PKNOX2: variants seen among roughly 807,000 people sequenced by gnomAD.
PKNOX2 encodes the protein PBX/knotted 1 homeobox 2.
A neutral mutation model predicts 53.1 loss-of-function variants in PKNOX2; 14 were observed. The ratio of observed to expected loss-of-function variants is 0.26; its 90% confidence interval spans 0.17 to 0.41. PKNOX2 has a LOEUF of 0.41. Ranked by LOEUF, PKNOX2 falls within the 10% of genes least tolerant of loss-of-function variation. The probability of loss-of-function intolerance (pLI) is 1.00; values close to 1 mark genes in which losing one functional copy is unlikely to be tolerated. For synonymous variants in PKNOX2, 257 were observed against 242.8 expected (o/e 1.06, Z -0.54); for missense variants, 496 against 602.8 (o/e 0.82, Z 1.85).
intron 2 of PKNOX2, among the ~76,000 whole-genome samples, chr11:125,292,027 AC>A (rs1947338348): frequency 6.6e-6 from 1 of 152,214 alleles, no homozygotes; most frequent in Non-Finnish European, 1.5e-5. Flanking sequence ...TAACTATGGC[AC>A]TGAATTGTAC....
chr11:125,278,778 G>T (rs1297619961), intron 2 of PKNOX2, among the ~76,000 whole-genome samples: 2 of 152,218 alleles, frequency 1.3e-5, no homozygotes, highest in Non-Finnish European at 2.9e-5. Context: ...AAGGCATTTA[G>T]ATATCCCTCG....
intron 2 of PKNOX2, among the ~76,000 whole-genome samples, chr11:125,259,791 G>A (rs1210711714): frequency 6.6e-6 from 1 of 151,964 alleles, no homozygotes; most frequent in Admixed American, 6.6e-5. Context: ...CTGACCTACT[G>A]CACCTCACCA....
At chr11:125,428,673 C>T (rs1217481537) in intron 10 of PKNOX2, among the ~76,000 whole-genome samples, 1 of 152,190 alleles carries the variant, frequency 6.6e-6, no homozygotes, top group Admixed American at 6.5e-5. Flanking sequence ...GCCTGCCCTG[C>T]CTGCTGGGGG....
At chr11:125,190,656 C>T (rs1235724922) in intron 1 of PKNOX2, among the ~76,000 whole-genome samples, 1 of 152,066 alleles carries the variant, frequency 6.6e-6, no homozygotes, top group East Asian at 1.9e-4. Flanking sequence ...CCGACCCTGC[C>T]CTGTGATGGC....
chr11:125,280,213 C>T (rs113875519), intron 2 of PKNOX2, among the ~76,000 whole-genome samples: 2,102 of 150,846 alleles, frequency 0.014, 50 homozygotes, highest in African/African-American at 0.046. Context: ...TGTGGTGAAG[C>T]GAGATAATTG....
intron 2 of PKNOX2, among the ~76,000 whole-genome samples, chr11:125,301,748 G>A (rs1304518727): frequency 6.6e-6 from 1 of 151,992 alleles, no homozygotes; most frequent in African/African-American, 2.4e-5. Flanking sequence ...CAAGGCAGGT[G>A]GTGCCAGGCC....
rs183501891 is a variant in PKNOX2, at chr11:125,167,459, G to A, written c.-201+2683G>A. The stretch of plus-strand genomic sequence containing the variant: ...TCTCTCCCGCTGAGAGCCCGAGGGG[G>A]GAGGGAGCCGTGACCCCACGGAGAC... On this transcript the variant is annotated intron_variant, in intron 1 of 12. Coordinates refer to ENST00000298282, the MANE Select transcript of PKNOX2 (RefSeq NM_001382323.2). Among the ~76,000 whole-genome samples the A allele has an allele frequency of 2.6e-3, 399 of 152,302 alleles. 4 individuals carry two copies. Among genetic ancestry groups the A allele is most frequent in the African/African-American group, 9.5e-3 (393 of 41,564 alleles).
chr11:125,266,453 C>A (rs1432109917), intron 2 of PKNOX2, among the ~76,000 whole-genome samples: 2 of 152,184 alleles, frequency 1.3e-5, no homozygotes, highest in Non-Finnish European at 2.9e-5. Flanking sequence ...GCCTGCGAGA[C>A]AGAGGCTGGA....
intron 2 of PKNOX2, among the ~76,000 whole-genome samples, chr11:125,276,857 C>G (rs1946196206): frequency 6.6e-6 from 1 of 152,110 alleles, no homozygotes; most frequent in African/African-American, 2.4e-5. Context: ...TTCAGCTGCT[C>G]TGATACAGAC....
chr11:125,354,690 AT>A (rs1383278907), intron 4 of PKNOX2, among the ~76,000 whole-genome samples: 4 of 152,058 alleles, frequency 2.6e-5, no homozygotes, highest in African/African-American at 4.8e-5. Flanking sequence ...ATAAATTAGA[AT>A]TTTTTTTCAA....
chr11:125,273,498 G>A (rs1945954297), intron 2 of PKNOX2, among the ~76,000 whole-genome samples: 1 of 152,178 alleles, frequency 6.6e-6, no homozygotes, highest in African/African-American at 2.4e-5. Context: ...GGAAAGCAGT[G>A]CCAAGAAAAA....
intron 2 of PKNOX2, among the ~76,000 whole-genome samples, chr11:125,267,791 T>C (rs559049101): frequency 1.3e-5 from 2 of 152,274 alleles, no homozygotes; most frequent in African/African-American, 4.8e-5. Context: ...TCTCTGCTGA[T>C]TTATAGGCAC....
At chr11:125,258,778 T>C in intron 2 of PKNOX2, 1 of 262,760 alleles carries the variant, frequency 3.8e-6, no homozygotes, top group Non-Finnish European at 8.1e-6. Context: ...TGCCAGAGGG[T>C]GGATGACTGG....
chr11:125,289,992 G>T (rs1446825183), intron 2 of PKNOX2, among the ~76,000 whole-genome samples: 1 of 152,160 alleles, frequency 6.6e-6, no homozygotes, highest in Non-Finnish European at 1.5e-5. Context: ...AAATAAAATG[G>T]ATAGGATGTT....
At chr11:125,404,877 C>T (rs1954980234) in intron 7 of PKNOX2, among the ~76,000 whole-genome samples, 1 of 152,156 alleles carries the variant, frequency 6.6e-6, no homozygotes, top group South Asian at 2.1e-4. Flanking sequence ...TTGAAGAGTC[C>T]AGAGGACGGG....
At chr11:125,314,674 CAG>C (rs1363574148) in intron 2 of PKNOX2, among the ~76,000 whole-genome samples, 1 of 152,102 alleles carries the variant, frequency 6.6e-6, no homozygotes, top group Non-Finnish European at 1.5e-5. Context: ...GGCTGTGCTG[CAG>C]AGAGTAGGGG....
intron 2 of PKNOX2, among the ~76,000 whole-genome samples, chr11:125,271,004 G>A (rs569918504): frequency 6.6e-6 from 1 of 152,256 alleles, no homozygotes; most frequent in Non-Finnish European, 1.5e-5. Context: ...AGCTGCCTTG[G>A]GGGGTGACAC....
intron 10 of PKNOX2, among the ~76,000 whole-genome samples, chr11:125,417,547 T>G (rs2135594120): frequency 6.6e-6 from 1 of 152,096 alleles, no homozygotes; most frequent in Non-Finnish European, 1.5e-5. Context: ...GGCAACACAT[T>G]TCTCAAGGTC....
chr11:125,231,765 G>A (rs75911430), intron 1 of PKNOX2, among the ~76,000 whole-genome samples: 2,178 of 152,214 alleles, frequency 0.014, 49 homozygotes, highest in African/African-American at 0.049. Context: ...ATGATGCTCC[G>A]TTTCTCAAAG....
Sources: allele counts gnomAD v4.1 joint callset (sites outside exome capture counted in the v4.1 genomes callset), GRCh38; gene constraint gnomAD v4.1.1; transcripts MANE v1.5; gene names NCBI Gene and HGNC (gene_info 2026-07-23, HGNC 2026-07-21).